Variants in PREX2 observed in about 807,000 individuals in gnomAD.
PREX2 encodes phosphatidylinositol-3,4,5-trisphosphate dependent Rac exchange factor 2.
In PREX2, 107 loss-of-function variants were observed where a neutral mutation model predicts 203.2. The ratio of observed to expected loss-of-function variants is 0.53; its 90% CI spans 0.45 to 0.62. The LOEUF (loss-of-function observed/expected upper bound fraction) is 0.62. Among genes scored for constraint, PREX2 ranks in the 20% least tolerant of loss-of-function variants. The pLI is 0.00. For synonymous variants in PREX2, 672 were observed against 663.6 expected (o/e 1.01, Z -0.19); for missense variants, 1,777 against 1,955.9 (o/e 0.91, Z 1.72).
chr8:68,140,215 T>G (rs1811200227), intron 33 of PREX2, among the ~76,000 whole-genome samples: 1 of 152,216 alleles, frequency 6.6e-6, no homozygotes, highest in Non-Finnish European at 1.5e-5. Context: ...AATAATAGTA[T>G]GTAAATGTAG....
intron 1 of PREX2, among the ~76,000 whole-genome samples, chr8:67,988,865 C>T (rs569332253): frequency 1.1e-3 from 167 of 152,348 alleles, no homozygotes; most frequent in Non-Finnish European, 1.9e-3. Flanking sequence ...AGCCAACTAT[C>T]GCCAAGAGGC....
intron 23 of PREX2, 74 bp from the exon 24 acceptor site, chr8:68,108,035 G>A: frequency 1.1e-6 from 1 of 891,880 alleles, no homozygotes; most frequent in South Asian, 1.7e-5. Flanking sequence ...TGTTGTGAAT[G>A]ATGCAAGTGA....
intron 35 of PREX2, among the ~76,000 whole-genome samples, chr8:68,180,290 G>A (rs1223281161): frequency 6.6e-6 from 1 of 152,000 alleles, no homozygotes; most frequent in African/African-American, 2.4e-5. Flanking sequence ...CTAAACCTTT[G>A]TAGATCACTC....
rs773529493 is a variant in PREX2 at position 68,150,311 on chromosome 8, C to T, written c.4231+3959C>T. 5.3e-5 allele frequency among the ~76,000 whole-genome samples: 8 copies of T among 152,030 alleles called. 1 individual carries two copies. The highest frequency in any genetic ancestry group is 1.2e-4 in the Non-Finnish European group (8 of 68,018). ...AAAAATTAAAAGGATTCGCTATAGC[C>T]CTTGCAGCCCCAGCTTGTCTACAGC... On this transcript the variant is annotated intron_variant, in intron 34 of 39. Transcript: ENST00000288368.
chr8:68,003,578 G>C (rs1214706921), intron 1 of PREX2, among the ~76,000 whole-genome samples: 2 of 152,128 alleles, frequency 1.3e-5, no homozygotes, highest in African/African-American at 4.8e-5. Context: ...ATTAGGATGA[G>C]AGGAAACGAG....
intron 23 of PREX2, chr8:68,101,524 G>T (rs1380542729): frequency 2.0e-6 from 1 of 506,596 alleles, no homozygotes. Context: ...AATGTACCTT[G>T]TTGGAGTTGA....
chr8:67,966,892 A>G (rs536220467), intron 1 of PREX2, among the ~76,000 whole-genome samples: 6 of 152,336 alleles, frequency 3.9e-5, no homozygotes, highest in Non-Finnish European at 8.8e-5. Context: ...ACTGACAAGC[A>G]TTACAAATTC....
chr8:68,065,250 C>T (rs1356498740), intron 11 of PREX2, among the ~76,000 whole-genome samples: 2 of 152,174 alleles, frequency 1.3e-5, no homozygotes, highest in African/African-American at 4.8e-5. Flanking sequence ...CATTTGGGCT[C>T]AACTTCTTGA....
intron 35 of PREX2, among the ~76,000 whole-genome samples, chr8:68,190,523 GATAGAAGCA>G (rs1168584407): frequency 3.9e-5 from 6 of 152,098 alleles, no homozygotes; most frequent in Admixed American, 3.3e-4. Context: ...CTTACACAGA[GATAGAAGCA>G]ATAGATACTG....
At chr8:68,003,726 T>C (rs927947261) in intron 1 of PREX2, among the ~76,000 whole-genome samples, 2 of 151,898 alleles carry the variant, frequency 1.3e-5, no homozygotes, top group Non-Finnish European at 2.9e-5. Flanking sequence ...ATTTCTTTGC[T>C]AAAAGATATG....
At chr8:68,197,210 CCCCA>C (rs1468129530) in intron 37 of PREX2, among the ~76,000 whole-genome samples, 3 of 152,018 alleles carry the variant, frequency 2.0e-5, no homozygotes, top group Non-Finnish European at 2.9e-5. Flanking sequence ...GGCTCTGAGT[CCCCA>C]CCCAAATCTC....
chr8:68,162,816 A>C (rs184962086), intron 35 of PREX2, among the ~76,000 whole-genome samples: 1 of 152,264 alleles, frequency 6.6e-6, no homozygotes, highest in African/African-American at 2.4e-5. Flanking sequence ...CACTGTGGCC[A>C]TCTGTCCAGA....
At chr8:68,097,336 T>C (rs934670936) in intron 22 of PREX2, 135 bp downstream of exon 22, 1 of 720,586 alleles carries the variant, frequency 1.4e-6, no homozygotes, top group Non-Finnish European at 2.2e-6. Context: ...CTTTTTTTTT[T>C]TTTCTTGAGA....
At chr8:68,212,254 C>T (rs1812755086) in intron 37 of PREX2, among the ~76,000 whole-genome samples, 1 of 152,202 alleles carries the variant, frequency 6.6e-6, no homozygotes, top group African/African-American at 2.4e-5. Flanking sequence ...TGCCATTACA[C>T]CCTTCGCTAG....
At chr8:68,002,161 T>TA (rs1806959849) in intron 1 of PREX2, among the ~76,000 whole-genome samples, 2 of 151,500 alleles carry the variant, frequency 1.3e-5, no homozygotes. Flanking sequence ...CTTTCTTTTT[T>TA]TTTTGAGGTG....
chr8:68,014,927 C>T (rs1438171268), intron 1 of PREX2, among the ~76,000 whole-genome samples: 2 of 152,100 alleles, frequency 1.3e-5, no homozygotes, highest in Admixed American at 6.6e-5. Flanking sequence ...AAGTAACTCT[C>T]CAAGTCTTAA....
At chr8:68,204,982 C>T (rs1190441350) in intron 37 of PREX2, among the ~76,000 whole-genome samples, 2 of 152,026 alleles carry the variant, frequency 1.3e-5, no homozygotes, top group Non-Finnish European at 2.9e-5. Context: ...CGCCCGGCCC[C>T]CTCTGCTTTC....
chr8:68,108,423 G>A, intron 24 of PREX2, 92 bp downstream of exon 24: 1 of 818,804 alleles, frequency 1.2e-6, no homozygotes, highest in Admixed American at 2.4e-5. Flanking sequence ...TAGATACCTG[G>A]TGTGCAAACA....
intron 35 of PREX2, among the ~76,000 whole-genome samples, chr8:68,176,509 T>C (rs931643059): frequency 2.1e-4 from 32 of 152,288 alleles, no homozygotes; most frequent in African/African-American, 7.5e-4. Flanking sequence ...ATTGACTAGC[T>C]TGAAAATATT....
Sources: gnomAD v4.1 joint callset for allele counts (sites outside exome capture counted in the v4.1 genomes callset) on GRCh38, gnomAD v4.1.1 for gene constraint, MANE v1.5 for transcripts, NCBI Gene and HGNC (gene_info 2026-07-23, HGNC 2026-07-21) for gene names.